Variants in SPACA7 observed in about 807,000 individuals in gnomAD.
SPACA7 encodes the protein sperm acrosome-associated protein 7.
In SPACA7, 19 loss-of-function variants were observed where a neutral mutation model predicts 26.3. The observed-to-expected ratio is 0.72, with a 90% CI of 0.50 to 1.06. The LOEUF (loss-of-function observed/expected upper bound fraction) is 1.06, where lower values mean the gene tolerates loss of function less well. SPACA7 is among the 50% of genes least tolerant of loss of function. The pLI is 0.00. For missense variants in SPACA7, 211 were observed against 229.9 expected, an observed-to-expected ratio of 0.92 and a Z score of 0.53; for synonymous variants, 84 against 84.5, an observed-to-expected ratio of 0.99 and a Z score of 0.04.
At chr13:112,430,808 C>T (rs954370265) in intron 5 of SPACA7, among the ~76,000 whole-genome samples, 2 of 152,146 alleles carry the variant, frequency 1.3e-5, no homozygotes, top group Non-Finnish European at 2.9e-5. Flanking sequence ...CCTGGGACTC[C>T]CAAGGGCTAG....
At chr13:112,426,124 T>C (rs1257656160) in intron 5 of SPACA7, among the ~76,000 whole-genome samples, 5 of 152,230 alleles carry the variant, frequency 3.3e-5, no homozygotes, top group Non-Finnish European at 7.3e-5. Context: ...TTGTTTTGGT[T>C]TGGATTTTTG....
chr13:112,401,048 T>G, intron 4 of SPACA7, 21 bp from the exon 5 acceptor site: 1 of 1,594,674 alleles, frequency 6.3e-7, no homozygotes. Context: ...TTCCCCATTT[T>G]TTCCATATTT....
intron 3 of SPACA7, among the ~76,000 whole-genome samples, 195 bp from the exon 4 acceptor site, chr13:112,398,871 C>T (rs1039798682): frequency 6.6e-6 from 1 of 152,222 alleles, no homozygotes; most frequent in Non-Finnish European, 1.5e-5. Context: ...AAGGTCCACA[C>T]TGTTGGTTCA....
intron 1 of SPACA7, among the ~76,000 whole-genome samples, chr13:112,385,492 A>C (rs1426283463): frequency 6.6e-6 from 1 of 152,212 alleles, no homozygotes; most frequent in African/African-American, 2.4e-5. Context: ...GACACAAATG[A>C]AGATAAGGTC....
chr13:112,407,264 A>G (rs1164671903), intron 5 of SPACA7, among the ~76,000 whole-genome samples: 3 of 152,244 alleles, frequency 2.0e-5, no homozygotes, highest in African/African-American at 7.2e-5. Flanking sequence ...AAGAGAAAGC[A>G]GGAAATATCT....
Position 112,399,115 on chromosome 13 carries a change from T to G in SPACA7, c.291T>G (p.His97Gln). ...AAGCTGGTGGTTCTGAGAATTACCA[T>G]GAATTATTAGAGAATTTACAATTCT... ...NYQAGGSENYHELLENLQFSP... is the reference protein window; with the variant it reads ...NYQAGGSENYQELLENLQFSP... Residue 97 changes from histidine to glutamine, a missense_variant, in exon 4 of 7, where the codon CAT becomes CAG. His to Gln is a conservative substitution (Grantham distance 24, BLOSUM62 0). Transcript: ENST00000283550. 5 of 1,611,350 alleles carry G rather than the reference T, an allele frequency of 3.1e-6. No individual in the cohort carries two copies. The highest frequency in any genetic ancestry group is 4.2e-6 in the Non-Finnish European group (5 of 1,177,634).
intron 1 of SPACA7, among the ~76,000 whole-genome samples, chr13:112,378,111 C>G (rs766856991): frequency 8.6e-5 from 13 of 151,960 alleles, no homozygotes; most frequent in Admixed American, 3.9e-4. Flanking sequence ...CCAGATGGTC[C>G]CACGGAAGGC....
At chr13:112,390,834 A>G (rs1343081004) in intron 1 of SPACA7, among the ~76,000 whole-genome samples, 1 of 152,240 alleles carries the variant, frequency 6.6e-6, no homozygotes, top group Admixed American at 6.5e-5. Flanking sequence ...TCAACCTCAG[A>G]TTTGAGTGGG....
chr13:112,411,670 A>G (rs192498776), intron 5 of SPACA7, among the ~76,000 whole-genome samples: 1 of 152,234 alleles, frequency 6.6e-6, no homozygotes, highest in African/African-American at 2.4e-5. Context: ...TTTAGCTCCA[A>G]CATATGAGTG....
intron 1 of SPACA7, among the ~76,000 whole-genome samples, chr13:112,380,645 G>A (rs1303352417): frequency 2.0e-5 from 3 of 151,588 alleles, no homozygotes; most frequent in African/African-American, 4.8e-5. Flanking sequence ...CATTTTGTCC[G>A]GTTTTTTCTC....
chr13:112,384,017 T>C (rs1884375974), intron 1 of SPACA7, among the ~76,000 whole-genome samples: 1 of 152,228 alleles, frequency 6.6e-6, no homozygotes, highest in Non-Finnish European at 1.5e-5. Context: ...TTGTTAAAAG[T>C]TGCAAATAGC....
intron 5 of SPACA7, among the ~76,000 whole-genome samples, chr13:112,409,619 T>C (rs1045212758): frequency 6.6e-6 from 1 of 152,192 alleles, no homozygotes; most frequent in Non-Finnish European, 1.5e-5. Context: ...GAAAAAATGC[T>C]CATCATCACT....
At chr13:112,391,141 G>T (rs1884861902) in intron 1 of SPACA7, among the ~76,000 whole-genome samples, 2 of 152,122 alleles carry the variant, frequency 1.3e-5, no homozygotes. Flanking sequence ...GTAAGGAATG[G>T]GTAAGAGAGA....
At chr13:112,393,562 G>A (rs1251172711) in intron 2 of SPACA7, among the ~76,000 whole-genome samples, 2 of 152,178 alleles carry the variant, frequency 1.3e-5, no homozygotes, top group African/African-American at 2.4e-5. Flanking sequence ...GCCTCACCCC[G>A]GGGATGCAGG....
At chr13:112,424,511 TG>T (rs1876335792) in intron 5 of SPACA7, among the ~76,000 whole-genome samples, 1 of 152,102 alleles carries the variant, frequency 6.6e-6, no homozygotes, top group South Asian at 2.1e-4. Flanking sequence ...GGCATTGTGT[TG>T]GGGGGCTTGG....
At chr13:112,383,185 GAAA>G in intron 1 of SPACA7, among the ~76,000 whole-genome samples, 1 of 130,090 alleles carries the variant, frequency 7.7e-6, no homozygotes, top group South Asian at 2.5e-4. Context: ...AAGAAAGAAA[GAAA>G]GAAAGAAAAG....
At chr13:112,400,605 C>A (rs1447692771) in intron 4 of SPACA7, among the ~76,000 whole-genome samples, 1 of 152,188 alleles carries the variant, frequency 6.6e-6, no homozygotes, top group African/African-American at 2.4e-5. Context: ...TTCTTCCAGG[C>A]CCTCTCCACA....
chr13:112,432,735 A>T (rs1365914690), intron 6 of SPACA7, among the ~76,000 whole-genome samples: 1 of 152,170 alleles, frequency 6.6e-6, no homozygotes, highest in African/African-American at 2.4e-5. Context: ...GTGTCATTGA[A>T]GGAGTGCTCT....
intron 5 of SPACA7, among the ~76,000 whole-genome samples, chr13:112,408,854 GA>G (rs1203938566): frequency 6.6e-6 from 1 of 152,032 alleles, no homozygotes; most frequent in East Asian, 1.9e-4. Context: ...CACAGAATTG[GA>G]AAAAACTACT....
Sources: allele counts gnomAD v4.1 joint callset (sites outside exome capture counted in the v4.1 genomes callset), GRCh38; gene constraint gnomAD v4.1.1; transcripts MANE v1.5; gene names NCBI Gene and HGNC (gene_info 2026-07-23, HGNC 2026-07-21).